ZNF286A: variants seen among roughly 807,000 people sequenced by gnomAD.
The protein encoded by ZNF286A is zinc finger protein 286A.
In ZNF286A, 34 loss-of-function variants were observed where a neutral mutation model predicts 49.3. The observed-to-expected ratio is 0.69, with a 90% CI of 0.52 to 0.92. The LOEUF is 0.92. Ranked by LOEUF, ZNF286A falls within the 40% of genes least tolerant of loss-of-function variation. The probability of loss-of-function intolerance (pLI) is 0.00; values close to 1 mark genes in which losing one functional copy is unlikely to be tolerated. For missense variants in ZNF286A, 462 were observed against 600.2 expected (o/e 0.77, Z 2.41); for synonymous variants, 155 against 200.4 (o/e 0.77, Z 1.91).
Position 15,716,696 on chromosome 17 carries a change from A to G in ZNF286A, c.972A>G (p.Arg324=). Residue 324 remains arginine, a synonymous_variant, in exon 6 of 6, where the codon AGA becomes AGG. Coordinates refer to ENST00000583566, the MANE Select transcript of ZNF286A (RefSeq NM_001130842.2). The part of the protein sequence containing the change: ...ATHQRIHVGE[R]PYECNECGKG... ...ATCAGAGAATTCACGTTGGAGAGAG[A>G]CCTTATGAATGCAATGAATGTGGGA... The G allele has an allele frequency of 6.2e-7, 1 of 1,613,924 alleles. No homozygotes were observed. The highest frequency in any genetic ancestry group is 1.7e-4 in the Middle Eastern group (1 of 6,058).
rs1002438623 is a variant in ZNF286A, at chr17:15,718,741, G to A, written c.*1451G>A. The A allele has an allele frequency of 6.7e-6, 1 of 149,252 alleles. No homozygotes were observed. Among genetic ancestry groups the A allele is most frequent in the African/African-American group, 2.5e-5 (1 of 39,284 alleles). The allele number at this position is 149,252 out of a possible 1,614,324, so 9.2% of individuals were successfully genotyped here. A position where few individuals can be genotyped will look rare whatever the true frequency, so the allele number is the denominator to read the frequency against. ...ACTTTTTGTTATTGTTGTCTGTATC[G>A]GTTCAATCTCACACTGCTATAAAGA... On this transcript the variant is annotated 3_prime_UTR_variant, in exon 6 of 6. Coordinates refer to ENST00000583566, the MANE Select transcript of ZNF286A (RefSeq NM_001130842.2).
chr17:15,704,765 T>A, intron 3 of ZNF286A: 1 of 1,614,046 alleles, frequency 6.2e-7, no homozygotes, highest in Non-Finnish European at 8.5e-7. Flanking sequence ...CCCTCGATGG[T>A]GACCTGGAGG....
rs989689085 is a variant in ZNF286A at position 15,720,284 on chromosome 17, CCTT to C, written c.*2997_*2999del. The C allele has an allele frequency of 6.6e-6, 1 of 151,498 alleles. No homozygotes were observed. Among genetic ancestry groups the C allele is most frequent in the Admixed American group, 6.6e-5 (1 of 15,206 alleles). The allele number at this position is 151,498 out of a possible 1,614,324, so 9.4% of individuals were successfully genotyped here. A position where few individuals can be genotyped will look rare whatever the true frequency, so the allele number is the denominator to read the frequency against. On this transcript the variant is annotated 3_prime_UTR_variant, in exon 6 of 6. Transcript: ENST00000583566. The stretch of plus-strand genomic sequence containing the variant: ...CCTGCTTGGTGCTCTCTTTCTCTCT[CCTT>C]CTCTACATAGAGAAGTGCCAGAGCA...
chr17:15,701,842 G>A (rs1359799832), intron 3 of ZNF286A, among the ~76,000 whole-genome samples: 1 of 152,184 alleles, frequency 6.6e-6, no homozygotes, highest in Non-Finnish European at 1.5e-5. Flanking sequence ...CGAATGTTTG[G>A]CTGGGCGTGG....
At chr17:15,702,333 G>A (rs1989840468) in intron 3 of ZNF286A, among the ~76,000 whole-genome samples, 1 of 151,958 alleles carries the variant, frequency 6.6e-6, no homozygotes, top group African/African-American at 2.4e-5. Flanking sequence ...TGACCAACAT[G>A]GTGAAACCTC....
In ZNF286A at chr17:15,712,291, A is replaced by G. The variant is rs137877695; in HGVS notation, c.335-3768A>G. On this transcript the variant is annotated intron_variant, in intron 5 of 5. Coordinates refer to ENST00000583566, the MANE Select transcript of ZNF286A (RefSeq NM_001130842.2). ...AACTGATCAACTGTTTGCAGCCTCT[A>G]CTTACTACTTCATTAGTCTCATCAT... Among the ~76,000 whole-genome samples, 214 of 152,298 alleles carry G rather than the reference A, an allele frequency of 1.4e-3. 1 individual carries two copies. In the East Asian group the frequency reaches 0.041, roughly 29 times the overall value.
intron 3 of ZNF286A, chr17:15,704,426 C>A: frequency 6.2e-7 from 1 of 1,607,324 alleles, no homozygotes; most frequent in Non-Finnish European, 8.5e-7. Context: ...CTGGGCCCGC[C>A]GGCGCCCCCG....
chr17:15,707,421 A>G (rs1990320458), intron 4 of ZNF286A, among the ~76,000 whole-genome samples: 1 of 147,878 alleles, frequency 6.8e-6, no homozygotes, highest in South Asian at 2.2e-4. Context: ...GCCTTTTTGT[A>G]AGACTCTGTC....
In ZNF286A at chr17:15,708,150, AAT is replaced by A. The variant is rs1990379536; in HGVS notation, c.242-3_242-2del. 6.4e-7 allele frequency: 1 copy of A among 1,558,804 alleles called. No homozygotes were observed. Among genetic ancestry groups the A allele is most frequent in the Non-Finnish European group, 8.6e-7 (1 of 1,157,026 alleles). On this transcript the variant is annotated splice_region_variant and splice_polypyrimidine_tract_variant and intron_variant, in intron 4 of 5. Coordinates refer to ENST00000583566, the MANE Select transcript of ZNF286A (RefSeq NM_001130842.2). ...TTCTGTCTTTTTCTTTTTTTAAATGAATAGGGCTTCCAGTTTCCAAACCTGAG... is the reference window on the plus strand; with the variant it reads ...TTCTGTCTTTTTCTTTTTTTAAATGAAGGGCTTCCAGTTTCCAAACCTGAG...
chr17:15,716,121 T>G lies in ZNF286A; in HGVS notation c.397T>G (p.Ser133Ala). The change falls in exon 6 of 6, where the codon TCA becomes GCA. Residue 133 changes from serine (S) to alanine (A), a missense_variant. Coordinates refer to ENST00000583566, the MANE Select transcript of ZNF286A (RefSeq NM_001130842.2). ...TSVQDFSKAE[S>A]CKVAIIDRLT... ...AGTGCAAGATTTTTCCAAAGCAGAA[T>G]CATGCAAAGTTGCAATAATAGACAG... is the stretch of plus-strand genomic sequence containing the variant. 6.2e-7 allele frequency: 1 copy of G among 1,613,876 alleles called. No individual in the cohort carries two copies.
chr17:15,705,001 G>A (rs1288056400), intron 3 of ZNF286A: 2 of 878,748 alleles, frequency 2.3e-6, no homozygotes, highest in Non-Finnish European at 3.2e-6. Context: ...CGGCCCTGGA[G>A]AGGCCCCGGC....
chr17:15,702,176 T>TATCAGTACTA (rs1451087377), intron 3 of ZNF286A, among the ~76,000 whole-genome samples: 5 of 151,420 alleles, frequency 3.3e-5, no homozygotes, highest in Non-Finnish European at 5.9e-5. Context: ...ATATCAGTGA[T>TATCAGTACTA]TATTGCATTC....
Position 15,702,120 on chromosome 17 carries a change from C to CAA in ZNF286A, c.126+894_126+895dup, listed in dbSNP as rs916890935. On this transcript the variant is annotated intron_variant, in intron 3 of 5. Coordinates refer to ENST00000583566, the MANE Select transcript of ZNF286A (RefSeq NM_001130842.2). The stretch of plus-strand genomic sequence containing the variant: ...CTGGGCAATGAGGGAAACTCTGTCT[C>CAA]AAAAAAAAAAAAAAAGAATTTTTGA... 2.8e-3 allele frequency among the ~76,000 whole-genome samples: 273 copies of CAA among 96,746 alleles called. 1 individual carries two copies. Among genetic ancestry groups the CAA allele is most frequent in the African/African-American group, 0.01 (257 of 25,262 alleles). 63.5% of individuals were successfully genotyped at this position (96,746 alleles called of 152,430 possible). A position where few individuals can be genotyped will look rare whatever the true frequency, so the allele number is the denominator to read the frequency against.
intron 3 of ZNF286A, chr17:15,704,952 G>T (rs1240674225): frequency 1.4e-6 from 2 of 1,474,650 alleles, no homozygotes; most frequent in African/African-American, 1.4e-5. Context: ...TGCGTTCTTC[G>T]GTCCGCCGGC....
intron 3 of ZNF286A, among the ~76,000 whole-genome samples, chr17:15,703,418 G>T (rs1472628448): frequency 1.3e-5 from 2 of 151,560 alleles, no homozygotes. Context: ...TTTCTTGTTA[G>T]AATTTGCCTG....
intron 3 of ZNF286A, chr17:15,704,608 A>C (rs1990061528): frequency 1.2e-6 from 2 of 1,613,910 alleles, no homozygotes; most frequent in African/African-American, 2.7e-5. Flanking sequence ...CCTCTTGAGC[A>C]CGTTGACGCA....
chr17:15,712,119 T>G lies in ZNF286A; in HGVS notation c.334+3872T>G, dbSNP rs558953548. 1.1e-4 allele frequency among the ~76,000 whole-genome samples: 16 copies of G among 152,300 alleles called. No individual in the cohort carries two copies. In the South Asian group the frequency reaches 1.5e-3, roughly 14 times the overall value. ...AGTCTCCTGACCTCATGATCCGCCCTCCTTGGCCTCCCAAAGTGCTGGGAT... is the reference window on the plus strand; with the variant it reads ...AGTCTCCTGACCTCATGATCCGCCCGCCTTGGCCTCCCAAAGTGCTGGGAT... On this transcript the variant is annotated intron_variant, in intron 5 of 5. Coordinates refer to ENST00000583566, the MANE Select transcript of ZNF286A (RefSeq NM_001130842.2).
At chr17:15,715,452 A>T (rs1393952379) in intron 5 of ZNF286A, among the ~76,000 whole-genome samples, 5 of 152,144 alleles carry the variant, frequency 3.3e-5, no homozygotes, top group Non-Finnish European at 7.4e-5. Context: ...ATAGTAGGAT[A>T]TGTGAAATGT....
At position 15,706,463 on chromosome 17, in the gene ZNF286A, A is replaced by T; in HGVS notation, c.203A>T (p.Asp68Val). ...GGGAAGCTGGATCCTGCACAAAGGGATGTGATGCTGGAGAACTATAGGAAC... is the reference window on the plus strand; with the variant it reads ...GGGAAGCTGGATCCTGCACAAAGGGTTGTGATGCTGGAGAACTATAGGAAC... ...EWGKLDPAQR[D>V]VMLENYRNLV... Residue 68 changes from aspartate (D) to valine (V), a missense_variant, in exon 4 of 6, where the codon GAT (aspartate) becomes GTT (valine). Around this residue, in one of 3 missense-constraint regions of ZNF286A, gnomAD observed 259 missense variants for 272.2 expected, o/e 0.95. Coordinates refer to ENST00000583566, the MANE Select transcript of ZNF286A (RefSeq NM_001130842.2). 1 of 1,613,236 alleles carries T rather than the reference A, an allele frequency of 6.2e-7. No individual in the cohort carries two copies. Among genetic ancestry groups the T allele is most frequent in the Non-Finnish European group, 8.5e-7 (1 of 1,179,618 alleles).
Sources: allele counts gnomAD v4.1 joint callset (sites outside exome capture counted in the v4.1 genomes callset), GRCh38; gene constraint gnomAD v4.1.1; regional missense constraint gnomAD v4.1.1; transcripts MANE v1.5; gene names NCBI Gene and HGNC (gene_info 2026-07-23, HGNC 2026-07-21).